The following MACROD2 variants were observed in gnomAD, a reference collection of about 807,000 sequenced individuals.
MACROD2 encodes mono-ADP ribosylhydrolase 2, also known as ADP-ribose glycohydrolase MACROD2.
In MACROD2, 36 loss-of-function variants were observed where a neutral mutation model predicts 70.4. The ratio of observed to expected loss-of-function variants is 0.51; its 90% CI spans 0.39 to 0.68. MACROD2 has a LOEUF of 0.68. MACROD2 is among the 30% of genes least tolerant of loss of function. The pLI, the probability that MACROD2 is intolerant of heterozygous loss-of-function variation, is 0.00. For missense variants in MACROD2, 496 were observed against 538.4 expected, an observed-to-expected ratio of 0.92 and a Z score of 0.78; for synonymous variants, 172 against 178.8, an observed-to-expected ratio of 0.96 and a Z score of 0.30.
At chr20:14,336,703 T>C (rs1007591358) in intron 3 of MACROD2, among the ~76,000 whole-genome samples, 4 of 152,212 alleles carry the variant, frequency 2.6e-5, no homozygotes, top group African/African-American at 9.6e-5. Context: ...CCATTTACTA[T>C]GCTAGTCACA....
intron 3 of MACROD2, among the ~76,000 whole-genome samples, chr20:14,239,026 CAAAAAAAAAA>C (rs55763322): frequency 1.2e-5 from 1 of 82,400 alleles, no homozygotes; most frequent in Admixed American, 1.4e-4. Flanking sequence ...GACTCCGTCT[CAAAAAAAAAA>C]AAAAAAAAAA....
chr20:14,273,756 A>G (rs76521361), intron 3 of MACROD2, among the ~76,000 whole-genome samples: 1 of 152,246 alleles, frequency 6.6e-6, no homozygotes, highest in African/African-American at 2.4e-5. Context: ...AGCAAGACTC[A>G]TAAAGAAGAA....
chr20:14,714,937 G>A (rs1374841633), intron 5 of MACROD2, among the ~76,000 whole-genome samples: 1 of 152,146 alleles, frequency 6.6e-6, no homozygotes, highest in Admixed American at 6.5e-5. Context: ...CTAGCTCTTA[G>A]TGGACTCTCA....
chr20:14,036,788 C>G (rs907787643), intron 2 of MACROD2, among the ~76,000 whole-genome samples: 1 of 152,174 alleles, frequency 6.6e-6, no homozygotes, highest in Non-Finnish European at 1.5e-5. Context: ...CTCAGCCTCC[C>G]GAGTAGCTGG....
chr20:14,602,482 A>T (rs1162355720), intron 4 of MACROD2, among the ~76,000 whole-genome samples: 1 of 152,208 alleles, frequency 6.6e-6, no homozygotes, highest in East Asian at 1.9e-4. Context: ...TGCCTCTATC[A>T]GTAGCCACTG....
At chr20:14,130,210 A>C (rs1601256751) in intron 3 of MACROD2, among the ~76,000 whole-genome samples, 1 of 152,286 alleles carries the variant, frequency 6.6e-6, no homozygotes. Context: ...TATGTGTGGC[A>C]AGAATAGTAG....
intron 5 of MACROD2, among the ~76,000 whole-genome samples, chr20:15,191,812 A>G (rs2076572321): frequency 6.6e-6 from 1 of 152,112 alleles, no homozygotes; most frequent in Admixed American, 6.5e-5. Context: ...GGCAGGAGGT[A>G]GGGATATCTT....
intron 6 of MACROD2, among the ~76,000 whole-genome samples, chr20:15,368,031 T>C (rs2045436886): frequency 6.6e-6 from 1 of 152,160 alleles, no homozygotes; most frequent in African/African-American, 2.4e-5. Flanking sequence ...CAGAGGACCA[T>C]AAAACACATT....
At chr20:15,067,921 A>G (rs2075590207) in intron 5 of MACROD2, among the ~76,000 whole-genome samples, 1 of 152,178 alleles carries the variant, frequency 6.6e-6, no homozygotes. Context: ...TAATAAATGT[A>G]TCTCATTTTG....
At chr20:15,019,442 C>T (rs1370700542) in intron 5 of MACROD2, among the ~76,000 whole-genome samples, 1 of 152,116 alleles carries the variant, frequency 6.6e-6, no homozygotes, top group African/African-American at 2.4e-5. Context: ...TTCCACTACA[C>T]CCCTGCTGAC....
At chr20:15,750,967 G>T (rs1213154355) in intron 8 of MACROD2, among the ~76,000 whole-genome samples, 1 of 152,014 alleles carries the variant, frequency 6.6e-6, no homozygotes, top group Non-Finnish European at 1.5e-5. Flanking sequence ...GAAGCAGAGA[G>T]TAGAACAGTG....
intron 3 of MACROD2, among the ~76,000 whole-genome samples, chr20:14,236,104 T>C (rs1216194766): frequency 6.6e-6 from 1 of 152,158 alleles, no homozygotes; most frequent in Non-Finnish European, 1.5e-5. Context: ...ATATTCATAT[T>C]ATATGTTTTT....
At chr20:15,770,762 G>T (rs767811387) in intron 8 of MACROD2, among the ~76,000 whole-genome samples, 1 of 152,038 alleles carries the variant, frequency 6.6e-6, no homozygotes, top group Non-Finnish European at 1.5e-5. Flanking sequence ...TGAAAGAAGG[G>T]CTCAAATCCA....
chr20:14,119,515 T>C (rs2054557095), intron 3 of MACROD2, among the ~76,000 whole-genome samples: 1 of 152,124 alleles, frequency 6.6e-6, no homozygotes, highest in African/African-American at 2.4e-5. Context: ...TCACTGTTGG[T>C]GCTTCAAGTG....
chr20:15,846,073 A>G (rs1453028554), intron 8 of MACROD2, among the ~76,000 whole-genome samples: 1 of 152,244 alleles, frequency 6.6e-6, no homozygotes, highest in Non-Finnish European at 1.5e-5. Flanking sequence ...TTATATAAAC[A>G]TTTAGGGTAA....
intron 5 of MACROD2, among the ~76,000 whole-genome samples, chr20:14,981,306 A>C (rs2074796858): frequency 6.6e-6 from 1 of 151,892 alleles, no homozygotes; most frequent in African/African-American, 2.4e-5. Flanking sequence ...CACTGCCTGG[A>C]ATGTTCTTCC....
chr20:14,166,080 C>T (rs574131347), intron 3 of MACROD2, among the ~76,000 whole-genome samples: 6 of 152,000 alleles, frequency 3.9e-5, no homozygotes, highest in Non-Finnish European at 8.8e-5. Context: ...AATAATGTAT[C>T]AATAGTGAAT....
intron 8 of MACROD2, among the ~76,000 whole-genome samples, chr20:15,516,444 T>G (rs1322657370): frequency 6.6e-6 from 1 of 152,136 alleles, no homozygotes; most frequent in East Asian, 1.9e-4. Flanking sequence ...GATATACAAT[T>G]CCTGTCCTAA....
At chr20:14,852,510 G>C (rs541792879) in intron 5 of MACROD2, among the ~76,000 whole-genome samples, 1 of 152,204 alleles carries the variant, frequency 6.6e-6, no homozygotes, top group South Asian at 2.1e-4. Context: ...AGTGGTATTA[G>C]TTTTGCACAC....
Sources: gnomAD v4.1 joint callset for allele counts (sites outside exome capture counted in the v4.1 genomes callset) on GRCh38, gnomAD v4.1.1 for gene constraint, MANE v1.5 for transcripts, NCBI Gene and HGNC (gene_info 2026-07-23, HGNC 2026-07-21) for gene names.